The following GRHL2 variants were observed in gnomAD, a reference collection of about 807,000 sequenced individuals.
The protein encoded by GRHL2 is grainyhead-like protein 2 homolog.
Under a neutral mutation model 83.8 loss-of-function variants are expected in GRHL2, and 21 were observed. The ratio of observed to expected loss-of-function variants is 0.25; its 90% CI spans 0.18 to 0.36. The LOEUF (loss-of-function observed/expected upper bound fraction) is 0.36. Ranked by LOEUF, GRHL2 falls within the 10% of genes least tolerant of loss-of-function variation. GRHL2 has a pLI of 1.00. For synonymous variants in GRHL2, 280 were observed against 278.9 expected, an observed-to-expected ratio of 1.00 and a Z score of -0.04; for missense variants, 623 against 781.8, an observed-to-expected ratio of 0.80 and a Z score of 2.42.
chr8:101,575,083 A>G (rs1055372262), intron 6 of GRHL2, among the ~76,000 whole-genome samples: 1 of 152,210 alleles, frequency 6.6e-6, no homozygotes, highest in African/African-American at 2.4e-5. Context: ...GTTGAGCAGC[A>G]TGGAGGGCTG....
chr8:101,647,046 AAG>A lies in GRHL2; in HGVS notation c.1613-2365_1613-2364del, dbSNP rs557194890. On this transcript the variant is annotated intron_variant, in intron 13 of 15. Transcript: ENST00000646743. ...ATCATTTCAAAGACCACGATTTCAA[AAG>A]AGGAGATTTGTAAATCCAGTGGAAG... is the stretch of plus-strand genomic sequence containing the variant. Among the ~76,000 whole-genome samples, 293 of 152,334 alleles carry A rather than the reference AAG, an allele frequency of 1.9e-3. 1 individual carries two copies. Among genetic ancestry groups the A allele is most frequent in the African/African-American group, 6.9e-3 (285 of 41,574 alleles).
At chr8:101,672,054 A>G (rs929855175), downstream of GRHL2, among the ~76,000 whole-genome samples, 3 of 151,738 alleles carry the variant, frequency 2.0e-5, no homozygotes, top group Non-Finnish European at 4.4e-5. Flanking sequence ...ACCCTTCTGT[A>G]CGTCACCATC....
intron 1 of GRHL2, among the ~76,000 whole-genome samples, chr8:101,532,856 G>C (rs568961015): frequency 6.6e-6 from 1 of 152,170 alleles, no homozygotes; most frequent in East Asian, 1.9e-4. Context: ...AGAGAAAGAG[G>C]TGGGGGAGAG....
chr8:101,575,125 C>A (rs1811907169), intron 6 of GRHL2, among the ~76,000 whole-genome samples: 1 of 152,090 alleles, frequency 6.6e-6, no homozygotes, highest in Non-Finnish European at 1.5e-5. Flanking sequence ...GGATGTATTT[C>A]TCTCTGGATA....
At chr8:101,611,012 C>T (rs765460233) in intron 8 of GRHL2, among the ~76,000 whole-genome samples, 6 of 151,040 alleles carry the variant, frequency 4.0e-5, no homozygotes, top group Non-Finnish European at 7.4e-5. Context: ...CCAGCGACTG[C>T]AGACATCTGG....
chr8:101,529,549 A>G, intron 1 of GRHL2: 1 of 238,112 alleles, frequency 4.2e-6, no homozygotes, highest in Non-Finnish European at 8.4e-6. Flanking sequence ...CTTATGGTGC[A>G]CCACCGTCTT....
intron 2 of GRHL2, among the ~76,000 whole-genome samples, chr8:101,544,438 A>G (rs959050294): frequency 1.3e-5 from 2 of 152,240 alleles, no homozygotes; most frequent in African/African-American, 4.8e-5. Flanking sequence ...TATACTACCT[A>G]TAAAATAGGA....
chr8:101,599,225 C>T, intron 8 of GRHL2, 74 bp downstream of exon 8: 1 of 985,096 alleles, frequency 1.0e-6, no homozygotes, highest in Non-Finnish European at 1.6e-6. Flanking sequence ...TTTTTAAAAG[C>T]CTGTATCAGT....
At chr8:101,504,673 A>G (rs1363398004) in intron 1 of GRHL2, among the ~76,000 whole-genome samples, 1 of 151,386 alleles carries the variant, frequency 6.6e-6, no homozygotes, top group African/African-American at 2.4e-5. Flanking sequence ...AAAAATTTAT[A>G]TTTTTTTTAG....
intron 4 of GRHL2, among the ~76,000 whole-genome samples, chr8:101,564,867 T>A (rs1811685034): frequency 6.6e-6 from 1 of 151,524 alleles, no homozygotes; most frequent in South Asian, 2.1e-4. Flanking sequence ...ATTTGATCTA[T>A]ATTTTATTCC....
chr8:101,529,651 T>G (rs1010621540), intron 1 of GRHL2: 2 of 167,668 alleles, frequency 1.2e-5, no homozygotes, highest in Admixed American at 6.1e-5. Flanking sequence ...TATTTAGCAT[T>G]AATTATTTTC....
chr8:101,570,101 AC>A (rs1811791967), intron 4 of GRHL2, among the ~76,000 whole-genome samples: 2 of 152,248 alleles, frequency 1.3e-5, no homozygotes, highest in Admixed American at 1.3e-4. Context: ...CTGTAGGAAC[AC>A]CTGCAGACAC....
At chr8:101,520,797 A>G (rs2130043995) in intron 1 of GRHL2, among the ~76,000 whole-genome samples, 1 of 152,278 alleles carries the variant, frequency 6.6e-6, no homozygotes, top group South Asian at 2.1e-4. Context: ...TGGTCCAGCT[A>G]TACTGCCCTT....
At chr8:101,502,831 TCTC>T (rs1316408979) in intron 1 of GRHL2, among the ~76,000 whole-genome samples, 12 of 152,042 alleles carry the variant, frequency 7.9e-5, no homozygotes, top group Admixed American at 4.6e-4. Flanking sequence ...TCTGTCCCCT[TCTC>T]CTTCTTTTTT....
intron 14 of GRHL2, among the ~76,000 whole-genome samples, chr8:101,662,064 A>C (rs1159739760): frequency 6.6e-6 from 1 of 152,240 alleles, no homozygotes; most frequent in Non-Finnish European, 1.5e-5. Flanking sequence ...TCATTTGCTC[A>C]ACTTCAAAAA....
rs769090194 is a variant in GRHL2 at position 101,511,112 on chromosome 8, A to T, written c.20+18323A>T. On this transcript the variant is annotated intron_variant, in intron 1 of 15. Transcript: ENST00000646743. Reference sequence around the variant, plus strand: ...CAAGACTCCGTCTCAAAAAAAAAAAATTTTTTTTCACTTGCCTTATTATTT... The same window carrying T: ...CAAGACTCCGTCTCAAAAAAAAAAATTTTTTTTTCACTTGCCTTATTATTT... 2.1e-3 allele frequency among the ~76,000 whole-genome samples: 295 copies of T among 140,488 alleles called. 1 individual carries two copies. Among genetic ancestry groups the T allele is most frequent in the Non-Finnish European group, 3.2e-3 (212 of 65,484 alleles). 92.2% of individuals were successfully genotyped at this position (140,488 alleles called of 152,430 possible).
At chr8:101,656,721 A>C (rs554916772) in intron 14 of GRHL2, among the ~76,000 whole-genome samples, 1 of 152,378 alleles carries the variant, frequency 6.6e-6, no homozygotes, top group East Asian at 1.9e-4. Context: ...TATTATGAGG[A>C]TAATAAAATG....
At chr8:101,526,811 A>G (rs1039480257) in intron 1 of GRHL2, among the ~76,000 whole-genome samples, 33 of 152,140 alleles carry the variant, frequency 2.2e-4, no homozygotes, top group African/African-American at 4.8e-5. Flanking sequence ...AGTGCTTTAC[A>G]CGTACTTCCT....
chr8:101,636,736 C>CACAT (rs1275609653), intron 11 of GRHL2, 161 bp from the exon 12 acceptor site: 2 of 662,052 alleles, frequency 3.0e-6, no homozygotes, highest in Non-Finnish European at 5.5e-6. Context: ...CACACACACA[C>CACAT]ACACACACAC....
Sources: allele counts gnomAD v4.1 joint callset (sites outside exome capture counted in the v4.1 genomes callset), GRCh38; gene constraint gnomAD v4.1.1; transcripts MANE v1.5; gene names NCBI Gene and HGNC (gene_info 2026-07-23, HGNC 2026-07-21).